Variants in CCP110 observed in about 807,000 individuals in gnomAD.
CCP110 encodes centriolar coiled-coil protein of 110 kDa.
In CCP110, 43 loss-of-function variants were observed where a neutral mutation model predicts 105.5. That is an observed-to-expected ratio of 0.41 (90% CI 0.32 to 0.53). CCP110 has a LOEUF of 0.53. Ranked by LOEUF, CCP110 falls within the 20% of genes least tolerant of loss-of-function variation. CCP110 has a pLI of 0.32. For missense variants in CCP110, 1,016 were observed against 1,189.1 expected (o/e 0.85, Z 2.14); for synonymous variants, 353 against 392.1 (o/e 0.90, Z 1.18).
intron 3 of CCP110, among the ~76,000 whole-genome samples, chr16:19,533,198 T>TCTAA (rs2151466313): frequency 6.6e-6 from 1 of 152,052 alleles, no homozygotes; most frequent in East Asian, 1.9e-4. Context: ...TTTTTCATAA[T>TCTAA]CTTAGGAGTT....
chr16:19,548,180 A>T lies in CCP110; in HGVS notation c.2900+166A>T. 3.0e-6 allele frequency: 2 copies of T among 663,708 alleles called. No individual in the cohort carries two copies. Among genetic ancestry groups the T allele is most frequent in the South Asian group, 1.9e-5 (1 of 53,268 alleles). 41.1% of individuals were successfully genotyped at this position (663,708 alleles called of 1,614,324 possible). Reference sequence around the variant, plus strand: ...TTTTAAAGTTTTGTCTTCAAATGTAACCCTCTTGGTGTACTGTTGTGTATT... The same window carrying T: ...TTTTAAAGTTTTGTCTTCAAATGTATCCCTCTTGGTGTACTGTTGTGTATT... On this transcript the variant is annotated intron_variant, in intron 13 of 14. Transcript: ENST00000381396. This position sits in a 1 kb window ranked among gnomAD's most constrained non-coding sequence, Gnocchi z 4.1.
At position 19,530,537 on chromosome 16, in the gene CCP110, G is replaced by A. The variant is rs867137136; in HGVS notation, c.142-1879G>A. 4.0e-5 allele frequency among the ~76,000 whole-genome samples: 6 copies of A among 151,670 alleles called. No individual in the cohort carries two copies. In the South Asian group the frequency reaches 6.2e-4, roughly 16 times the overall value. On this transcript the variant is annotated intron_variant, in intron 2 of 14. Transcript: ENST00000381396. ...GGTGGATGCCTGTAATCCCAGCTAT[G>A]TGGGAGGCTGAGGCAGGAGGATCCC...
At position 19,548,686 on chromosome 16, in the gene CCP110, G is replaced by A. The variant is rs2151484819; in HGVS notation, c.2986+86G>A. The A allele has an allele frequency of 1.3e-6, 1 of 794,916 alleles. No individual in the cohort carries two copies. Among genetic ancestry groups the A allele is most frequent in the East Asian group, 2.7e-5 (1 of 36,852 alleles). The allele number at this position is 794,916 out of a possible 1,614,324, so 49.2% of individuals were successfully genotyped here. Reference sequence around the variant, plus strand: ...TAACTCAGGCCATAGAAGTGGAATAGATTGTCTTTCCTTGCCACCATAATT... The same window carrying A: ...TAACTCAGGCCATAGAAGTGGAATAAATTGTCTTTCCTTGCCACCATAATT... On this transcript the variant is annotated intron_variant, in intron 14 of 14. Transcript: ENST00000381396. This position sits in a 1 kb window ranked among gnomAD's most constrained non-coding sequence, Gnocchi z 4.1.
exon 15 of CCP110, chr16:19,551,574 T>C (rs1396670938): frequency 1.3e-5 from 3 of 231,732 alleles, no homozygotes; most frequent in Non-Finnish European, 2.5e-5. Flanking sequence ...TTGGATTTAC[T>C]TTTACAGAAT....
chr16:19,531,360 T>A (rs1204377310), intron 2 of CCP110, among the ~76,000 whole-genome samples: 1 of 152,244 alleles, frequency 6.6e-6, no homozygotes, highest in Non-Finnish European at 1.5e-5. Context: ...ATATATTTTC[T>A]ATTTGTGTAA....
chr16:19,541,613 G>A (rs1487845252), intron 5 of CCP110, among the ~76,000 whole-genome samples: 1 of 150,790 alleles, frequency 6.6e-6, no homozygotes. Flanking sequence ...GGGACAGAGC[G>A]AGATTCTGTT....
At chr16:19,525,115 CTT>C (rs1195863392) in intron 1 of CCP110, 2 of 152,072 alleles carry the variant, frequency 1.3e-5, no homozygotes, top group African/African-American at 4.8e-5. Flanking sequence ...AAGTTTGCGT[CTT>C]TGGCGGAACT....
At chr16:19,539,592 G>T (rs1290139409) in intron 4 of CCP110, among the ~76,000 whole-genome samples, 1 of 151,854 alleles carries the variant, frequency 6.6e-6, no homozygotes, top group Admixed American at 6.6e-5. Flanking sequence ...AGGCTCAGGT[G>T]ATCAGCCCTC....
At chr16:19,530,516 G>A (rs1969826868) in intron 2 of CCP110, among the ~76,000 whole-genome samples, 1 of 151,518 alleles carries the variant, frequency 6.6e-6, no homozygotes. Context: ...CGTGGTGGTG[G>A]ATGCCTGTAA....
intron 2 of CCP110, among the ~76,000 whole-genome samples, chr16:19,528,864 TG>T (rs1299587117): frequency 6.6e-6 from 1 of 152,066 alleles, no homozygotes; most frequent in East Asian, 1.9e-4. Context: ...CATCATTGCC[TG>T]GACTACAGAG....
chr16:19,533,911 T>G (rs969939411), intron 3 of CCP110, among the ~76,000 whole-genome samples: 2 of 152,232 alleles, frequency 1.3e-5, no homozygotes, highest in Non-Finnish European at 2.9e-5. Context: ...CTTTTTCCTT[T>G]GACATGTGAT....
At chr16:19,536,917 T>C in exon 4 of CCP110, 1 of 1,614,192 alleles carries the variant, frequency 6.2e-7, no homozygotes, top group Non-Finnish European at 8.5e-7. Context: ...AAGATACTGA[T>C]GAAAACACAA....
Position 19,527,534 on chromosome 16 carries a change from G to A in CCP110, c.-15-333G>A, listed in dbSNP as rs1969715509. 2.6e-5 allele frequency among the ~76,000 whole-genome samples: 4 copies of A among 152,132 alleles called. 1 individual carries two copies. In the South Asian group the frequency reaches 8.3e-4, roughly 32 times the overall value. ...CCTGTTAAAGAAAATATAATATCCT[G>A]TTTTACAATGTGAAGTTAGTAAAGA... On this transcript the variant is annotated intron_variant, in intron 1 of 14. Transcript: ENST00000381396.
exon 4 of CCP110, chr16:19,536,533 T>C: frequency 6.2e-7 from 1 of 1,614,156 alleles, no homozygotes. Flanking sequence ...GTGTCTCAGT[T>C]ATTCCTGACA....
chr16:19,550,153 GTTC>G (rs1001351120), intron 14 of CCP110, among the ~76,000 whole-genome samples: 3 of 146,152 alleles, frequency 2.1e-5, no homozygotes, highest in African/African-American at 7.6e-5. Context: ...AAATAATTGT[GTTC>G]TTTTTTTTTT....
At chr16:19,539,709 G>C (rs1970209642) in intron 4 of CCP110, among the ~76,000 whole-genome samples, 1 of 151,928 alleles carries the variant, frequency 6.6e-6, no homozygotes. Flanking sequence ...TACCTGGGGA[G>C]CCAACTTGGA....
intron 12 of CCP110, chr16:19,546,707 CAA>C: frequency 3.2e-6 from 1 of 309,188 alleles, no homozygotes; most frequent in Non-Finnish European, 6.0e-6. Context: ...CCCAGCTACT[CAA>C]GAGGCTGAGG....
chr16:19,547,627 G>T, intron 12 of CCP110: 1 of 195,742 alleles, frequency 5.1e-6, no homozygotes. Context: ...AAATGAGAGT[G>T]ATACTTTCTT....
At chr16:19,537,123 C>T (rs1382178705) in exon 4 of CCP110, 2 of 1,614,174 alleles carry the variant, frequency 1.2e-6, no homozygotes, top group Admixed American at 3.3e-5. Context: ...GGTCAGTTAA[C>T]ATCCGATGAG....
Sources: gnomAD v4.1 joint callset for allele counts (sites outside exome capture counted in the v4.1 genomes callset) on GRCh38, gnomAD v4.1.1 for gene constraint, Gnocchi (gnomAD v3.1) non-coding constraint, MANE v1.5 for transcripts, NCBI Gene and HGNC (gene_info 2026-07-23, HGNC 2026-07-21) for gene names.